Variants in KIF6 observed in about 807,000 individuals in gnomAD.
The protein encoded by KIF6 is kinesin family member 6.
A neutral mutation model predicts 112.7 loss-of-function variants in KIF6; 106 were observed. The observed-to-expected ratio is 0.94, with a 90% CI of 0.80 to 1.11. The LOEUF (loss-of-function observed/expected upper bound fraction) is 1.11. Ranked by LOEUF, KIF6 falls within the 50% of genes least tolerant of loss-of-function variation. The probability of loss-of-function intolerance (pLI) is 0.00; values close to 1 mark genes in which losing one functional copy is unlikely to be tolerated. For synonymous variants in KIF6, 339 were observed against 339.9 expected (o/e 1.00, Z 0.03); for missense variants, 929 against 964.0 (o/e 0.96, Z 0.48).
At chr6:39,702,171 A>T (rs552636864) in intron 3 of KIF6, among the ~76,000 whole-genome samples, 1 of 152,142 alleles carries the variant, frequency 6.6e-6, no homozygotes, top group South Asian at 2.1e-4. Flanking sequence ...GTCCATAGTG[A>T]TCCTTCCAGA....
chr6:39,487,696 CA>C (rs1267797305), intron 13 of KIF6, among the ~76,000 whole-genome samples: 1 of 152,116 alleles, frequency 6.6e-6, no homozygotes, highest in African/African-American at 2.4e-5. Context: ...CCACTGAATC[CA>C]GGTGAGTGCT....
rs148001737 is a variant in KIF6, at chr6:39,365,585, A to G, written c.1862-3067T>C. Among the ~76,000 whole-genome samples the G allele has an allele frequency of 4.6e-3, 698 of 152,354 alleles. 3 individuals are homozygous for G. The highest frequency in any genetic ancestry group is 0.015 in the African/African-American group (642 of 41,572). ...ATGATAAACTGAAGGAAGTATCTTA[A>G]TATGAAACCGACAATGGTAGGACTT... On this transcript the variant is annotated intron_variant, in intron 16 of 22. Transcript: ENST00000287152.
At chr6:39,379,948 T>C (rs1443199945) in intron 16 of KIF6, among the ~76,000 whole-genome samples, 2 of 152,230 alleles carry the variant, frequency 1.3e-5, no homozygotes, top group African/African-American at 4.8e-5. Flanking sequence ...ATCTACGTCA[T>C]TGGGTTGTGA....
At chr6:39,362,701 G>A (rs1303982533) in intron 16 of KIF6, among the ~76,000 whole-genome samples, 183 bp from the exon 17 acceptor site, 3 of 152,172 alleles carry the variant, frequency 2.0e-5, no homozygotes, top group Non-Finnish European at 4.4e-5. Context: ...AGCTTCCAGG[G>A]TTATTGTCCC....
At chr6:39,544,491 G>A in intron 12 of KIF6, 64 bp downstream of exon 12, 1 of 1,523,836 alleles carries the variant, frequency 6.6e-7, no homozygotes, top group Non-Finnish European at 8.8e-7. Context: ...GCTCAGGAAA[G>A]ACTGCTGTTT....
At chr6:39,542,324 G>A (rs1778832479) in intron 12 of KIF6, among the ~76,000 whole-genome samples, 1 of 152,062 alleles carries the variant, frequency 6.6e-6, no homozygotes, top group Non-Finnish European at 1.5e-5. Flanking sequence ...TAAACACTTT[G>A]CTGGGTCATG....
intron 8 of KIF6, among the ~76,000 whole-genome samples, 182 bp from the exon 9 acceptor site, chr6:39,585,166 C>T (rs549878572): frequency 1.1e-4 from 16 of 152,336 alleles, no homozygotes; most frequent in African/African-American, 3.4e-4. Context: ...AGTCCCCAAC[C>T]TTTTTGGCCA....
intron 3 of KIF6, among the ~76,000 whole-genome samples, chr6:39,654,992 T>C (rs1444379648): frequency 1.3e-5 from 2 of 152,186 alleles, no homozygotes; most frequent in African/African-American, 4.8e-5. Flanking sequence ...CATTTCTCTA[T>C]AGTAGGTATA....
At chr6:39,405,010 T>C (rs1444029366) in intron 15 of KIF6, among the ~76,000 whole-genome samples, 2 of 151,614 alleles carry the variant, frequency 1.3e-5, no homozygotes, top group African/African-American at 2.4e-5. Flanking sequence ...TATTTAATTT[T>C]GGTAAACAAT....
intron 3 of KIF6, among the ~76,000 whole-genome samples, chr6:39,649,390 A>G (rs946112494): frequency 7.2e-5 from 11 of 152,224 alleles, no homozygotes; most frequent in Non-Finnish European, 1.3e-4. Context: ...TACCCCACAC[A>G]ACCAAAATTG....
rs909844697 is a variant in KIF6 at position 39,342,389 on chromosome 6, C to A, written c.2428+1320G>T. On this transcript the variant is annotated intron_variant, in intron 22 of 22. Transcript: ENST00000287152. This position sits in a 1 kb window ranked among gnomAD's most constrained non-coding sequence, Gnocchi z 4.7. ...CGTGTTCATTGTCTGTCTCCTTCCTCCCCCTAGAATGTCAGTTTCTCACGT... is the reference window on the plus strand; with the variant it reads ...CGTGTTCATTGTCTGTCTCCTTCCTACCCCTAGAATGTCAGTTTCTCACGT... Among the ~76,000 whole-genome samples the A allele has an allele frequency of 6.6e-6, 1 of 152,166 alleles. No individual in the cohort carries two copies. The highest frequency in any genetic ancestry group is 1.5e-5 in the Non-Finnish European group (1 of 68,032).
chr6:39,488,252 T>C (rs1775252582), intron 13 of KIF6, among the ~76,000 whole-genome samples: 1 of 152,218 alleles, frequency 6.6e-6, no homozygotes, highest in African/African-American at 2.4e-5. Flanking sequence ...CCAACCCTGA[T>C]ATTCAGTTTA....
At chr6:39,346,559 C>T in intron 19 of KIF6, 33 bp from the exon 20 acceptor site, 1 of 690,336 alleles carries the variant, frequency 1.4e-6, no homozygotes, top group Non-Finnish European at 2.6e-6. Context: ...GTTTGAGCCA[C>T]TCAGTCTATA....
chr6:39,362,116 G>A (rs1342484541), intron 17 of KIF6, among the ~76,000 whole-genome samples: 3 of 152,102 alleles, frequency 2.0e-5, no homozygotes, highest in Non-Finnish European at 2.9e-5. Flanking sequence ...CTCAGGACTC[G>A]GAGGGAAGTG....
chr6:39,501,881 G>A (rs1776153916), intron 13 of KIF6, among the ~76,000 whole-genome samples: 1 of 152,110 alleles, frequency 6.6e-6, no homozygotes, highest in Admixed American at 6.5e-5. Flanking sequence ...AAAGAGACAG[G>A]GAGAATGGAA....
intron 3 of KIF6, chr6:39,691,387 T>C (rs1250142293): frequency 6.6e-6 from 1 of 152,232 alleles, no homozygotes; most frequent in Non-Finnish European, 1.5e-5. Flanking sequence ...AGTGAATATA[T>C]AAAAACTTCT....
intron 3 of KIF6, among the ~76,000 whole-genome samples, chr6:39,680,553 A>G (rs1350968115): frequency 2.0e-5 from 3 of 152,174 alleles, no homozygotes; most frequent in Non-Finnish European, 2.9e-5. Context: ...CCTTTCTCAC[A>G]GATAGATAGT....
At chr6:39,339,834 T>A (rs1301368124) in intron 22 of KIF6, among the ~76,000 whole-genome samples, 1 of 152,208 alleles carries the variant, frequency 6.6e-6, no homozygotes, top group Non-Finnish European at 1.5e-5. Context: ...TGGCCCTTGG[T>A]GAAGCCTAAG....
chr6:39,472,191 C>T (rs938960853), intron 13 of KIF6, among the ~76,000 whole-genome samples: 9 of 152,196 alleles, frequency 5.9e-5, no homozygotes, highest in African/African-American at 2.2e-4. Context: ...TGAAACTGCT[C>T]TTCCAAGCTC....
Sources: gnomAD v4.1 joint callset for allele counts (sites outside exome capture counted in the v4.1 genomes callset) on GRCh38, gnomAD v4.1.1 for gene constraint, Gnocchi (gnomAD v3.1) non-coding constraint, MANE v1.5 for transcripts, NCBI Gene and HGNC (gene_info 2026-07-23, HGNC 2026-07-21) for gene names.